Variants in SASH1 observed in about 807,000 individuals in gnomAD.
SASH1 encodes SAM and SH3 domain-containing protein 1.
In SASH1, 44 loss-of-function variants were observed where a neutral mutation model predicts 125.2. The observed-to-expected ratio is 0.35, with a 90% confidence interval of 0.28 to 0.45. The LOEUF is 0.45. SASH1 is among the 20% of genes least tolerant of loss of function. The probability of loss-of-function intolerance (pLI) is 1.00; values close to 1 mark genes in which losing one functional copy is unlikely to be tolerated. For missense variants in SASH1, 1,426 were observed against 1,614.5 expected (o/e 0.88, Z 2.00); for synonymous variants, 639 against 649.1 (o/e 0.98, Z 0.24).
intron 4 of SASH1, among the ~76,000 whole-genome samples, chr6:148,459,452 T>C (rs1039048842): frequency 2.6e-5 from 4 of 152,238 alleles, no homozygotes; most frequent in African/African-American, 9.6e-5. Context: ...TCTTTAAGTT[T>C]CTGCCAGTGA....
chr6:148,484,091 G>C (rs1040662027), intron 7 of SASH1, among the ~76,000 whole-genome samples: 13 of 152,192 alleles, frequency 8.5e-5, no homozygotes, highest in African/African-American at 3.1e-4. Flanking sequence ...GGACAGATTA[G>C]AAAGAAATGA....
intron 16 of SASH1, among the ~76,000 whole-genome samples, chr6:148,538,113 C>G (rs893342126): frequency 6.6e-6 from 1 of 152,130 alleles, no homozygotes; most frequent in African/African-American, 2.4e-5. Context: ...GCGATTCTAG[C>G]CCCCTTCCTT....
At position 148,540,536 on chromosome 6, in the gene SASH1, G is replaced by T; in HGVS notation, c.2189G>T (p.Ser730Ile). The T allele has an allele frequency of 6.2e-7, 1 of 1,613,878 alleles. No homozygotes were observed. The highest frequency in any genetic ancestry group is 8.5e-7 in the Non-Finnish European group (1 of 1,179,882). ...CSPRDSGCYE[S>I]SENLENGKTR... ...CCCCGAGACTCAGGATGCTACGAAA[G>T]CAGTGAGAACCTGGAAAACGGTAAT... is the stretch of plus-strand genomic sequence containing the variant. The change falls in exon 17 of 20, where the codon AGC (serine) becomes ATC (isoleucine). Residue 730 changes from serine to isoleucine, a missense_variant. By Grantham distance (142) the Ser-to-Ile change is moderately radical (BLOSUM62 -2). This residue lies in a region of SASH1 where 634 missense variants were observed against 694.4 expected (regional missense o/e 0.91). Coordinates refer to ENST00000367467, the MANE Select transcript of SASH1 (RefSeq NM_015278.5).
At chr6:148,307,827 T>C (rs566041130) in intron 1 of SASH1, among the ~76,000 whole-genome samples, 2 of 152,250 alleles carry the variant, frequency 1.3e-5, no homozygotes, top group African/African-American at 4.8e-5. Flanking sequence ...TGGCTCAGGG[T>C]TTGATGACTT....
At chr6:148,455,725 G>A (rs1562425742) in intron 4 of SASH1, among the ~76,000 whole-genome samples, 1 of 152,346 alleles carries the variant, frequency 6.6e-6, no homozygotes, top group South Asian at 2.1e-4. Context: ...AATTAGAAGT[G>A]GGGCAGGGGA....
intron 7 of SASH1, among the ~76,000 whole-genome samples, chr6:148,481,143 A>G (rs1328442783): frequency 1.3e-5 from 2 of 151,886 alleles, no homozygotes; most frequent in East Asian, 1.9e-4. Flanking sequence ...ATTGCAGTAA[A>G]GTGAGTCACA....
Position 148,526,849 on chromosome 6 carries a change from A to G in SASH1, c.1285-604A>G, listed in dbSNP as rs572363916. Among the ~76,000 whole-genome samples, 258 of 149,050 alleles carry G rather than the reference A, an allele frequency of 1.7e-3. 1 individual carries two copies. Among genetic ancestry groups the G allele is most frequent in the African/African-American group, 6.3e-3 (255 of 40,554 alleles). The stretch of plus-strand genomic sequence containing the variant: ...CCCCCATTGCTGGGATTACATGAAC[A>G]TTGGTTCATGTAAATCACTTTTTTT... On this transcript the variant is annotated intron_variant, in intron 11 of 19. Coordinates refer to ENST00000367467, the MANE Select transcript of SASH1 (RefSeq NM_015278.5).
At chr6:148,398,166 C>T (rs1334943803) in intron 2 of SASH1, among the ~76,000 whole-genome samples, 1 of 152,142 alleles carries the variant, frequency 6.6e-6, no homozygotes, top group Non-Finnish European at 1.5e-5. Flanking sequence ...AAGAGGCAGG[C>T]TGTTCTTTCA....
the SASH1 span, among the ~76,000 whole-genome samples, chr6:148,227,790 T>C: frequency 6.6e-6 from 1 of 152,240 alleles, no homozygotes; most frequent in Non-Finnish European, 1.5e-5. Context: ...CACACATGGT[T>C]CCATTCCATC....
intron 2 of SASH1, among the ~76,000 whole-genome samples, chr6:148,391,503 A>T (rs908895551): frequency 3.3e-5 from 5 of 151,580 alleles, no homozygotes; most frequent in African/African-American, 1.2e-4. Context: ...TTATTACTTA[A>T]CATTTTATTG....
At chr6:148,313,684 G>T (rs927077514) in intron 1 of SASH1, among the ~76,000 whole-genome samples, 2 of 152,106 alleles carry the variant, frequency 1.3e-5, no homozygotes, top group African/African-American at 4.8e-5. Context: ...TCATTTTAAT[G>T]CTGTTTCTAA....
At chr6:148,259,808 C>A in the SASH1 span, among the ~76,000 whole-genome samples, 1 of 152,158 alleles carries the variant, frequency 6.6e-6, no homozygotes, top group Admixed American at 6.5e-5. Context: ...GGGATCATAA[C>A]CTCTTTTTAA....
At chr6:148,276,623 G>GGTA (rs928885965) in intron 1 of SASH1, among the ~76,000 whole-genome samples, 1 of 152,198 alleles carries the variant, frequency 6.6e-6, no homozygotes, top group African/African-American at 2.4e-5. Flanking sequence ...GCTGAGGGCA[G>GGTA]GTAGTAGCAA....
intron 2 of SASH1, among the ~76,000 whole-genome samples, chr6:148,409,793 G>A (rs1372773433): frequency 6.6e-6 from 1 of 152,052 alleles, no homozygotes; most frequent in Non-Finnish European, 1.5e-5. Flanking sequence ...TATTAGCTGA[G>A]CGTGGTGGCA....
At chr6:148,204,771 A>T in the SASH1 span, among the ~76,000 whole-genome samples, 1 of 146,222 alleles carries the variant, frequency 6.8e-6, no homozygotes, top group South Asian at 2.2e-4. Context: ...ACCATTTAGT[A>T]AAAAAAAAAA....
chr6:148,465,280 G>A (rs906497792), intron 4 of SASH1, among the ~76,000 whole-genome samples: 2 of 152,094 alleles, frequency 1.3e-5, no homozygotes, highest in Non-Finnish European at 2.9e-5. Flanking sequence ...GGCCGGTCAC[G>A]GTGGCTCATG....
intron 1 of SASH1, among the ~76,000 whole-genome samples, chr6:148,377,979 A>G (rs1191727507): frequency 6.6e-6 from 1 of 152,294 alleles, no homozygotes; most frequent in East Asian, 1.9e-4. Flanking sequence ...TGGGTCAGTA[A>G]GTAGCAGAGA....
chr6:148,254,166 C>T, the SASH1 span, among the ~76,000 whole-genome samples: 1 of 151,342 alleles, frequency 6.6e-6, no homozygotes, highest in African/African-American at 2.4e-5. Context: ...GAGATCATAA[C>T]ACTGTACTCC....
intron 2 of SASH1, among the ~76,000 whole-genome samples, chr6:148,419,444 A>AT (rs778810588): frequency 5.9e-5 from 9 of 151,622 alleles, no homozygotes; most frequent in Non-Finnish European, 1.3e-4. Flanking sequence ...TATAGGGATT[A>AT]TGGCTCTTTA....
Sources: allele counts gnomAD v4.1 joint callset (sites outside exome capture counted in the v4.1 genomes callset), GRCh38; gene constraint gnomAD v4.1.1; regional missense constraint gnomAD v4.1.1; transcripts MANE v1.5; gene names NCBI Gene and HGNC (gene_info 2026-07-23, HGNC 2026-07-21).